Variants in SV2B observed in about 807,000 individuals in gnomAD.
The protein encoded by SV2B is solute carrier family 22 member B2.
A neutral mutation model predicts 73.9 loss-of-function variants in SV2B; 41 were observed. The ratio of observed to expected loss-of-function variants is 0.56; its 90% CI spans 0.43 to 0.72. The LOEUF (loss-of-function observed/expected upper bound fraction) is 0.72. SV2B is among the 30% of genes least tolerant of loss of function. The pLI is 0.00. For synonymous variants in SV2B, 314 were observed against 314.2 expected (o/e 1.00, Z 0.01); for missense variants, 764 against 857.8 (o/e 0.89, Z 1.37).
At chr15:91,154,575 G>A (rs2043424058) in intron 1 of SV2B, among the ~76,000 whole-genome samples, 1 of 152,100 alleles carries the variant, frequency 6.6e-6, no homozygotes, top group African/African-American at 2.4e-5. Flanking sequence ...TTAGATACGG[G>A]GTTTTTGCAG....
intron 1 of SV2B, among the ~76,000 whole-genome samples, chr15:91,189,749 G>A (rs1055073710): frequency 6.6e-5 from 10 of 152,230 alleles, no homozygotes; most frequent in Admixed American, 2.6e-4. Context: ...AGCACTTTGG[G>A]AGGCCGAGGC....
At chr15:91,156,207 C>T (rs572691573) in intron 1 of SV2B, among the ~76,000 whole-genome samples, 2 of 152,260 alleles carry the variant, frequency 1.3e-5, no homozygotes, top group African/African-American at 2.4e-5. Context: ...AGAAATGCCT[C>T]AGTAAGCTTG....
rs1209983397 is a variant in SV2B at position 91,236,135 on chromosome 15, C to T, written c.451+9421C>T. Among the ~76,000 whole-genome samples the T allele has an allele frequency of 6.6e-6, 1 of 152,220 alleles. No individual in the cohort carries two copies. The highest frequency in any genetic ancestry group is 1.5e-5 in the Non-Finnish European group (1 of 68,034). On this transcript the variant is annotated intron_variant, in intron 2 of 12. Transcript: ENST00000394232. The surrounding 1 kb of genome is among the most constrained non-coding windows in gnomAD (Gnocchi z 4.1). ...TAAAGCAAGGATGTCTCAGGACATT[C>T]TGTCCACTTTGCCTGCAGAATATCT...
intron 2 of SV2B, among the ~76,000 whole-genome samples, chr15:91,248,827 G>A (rs1486882412): frequency 6.6e-6 from 1 of 152,192 alleles, no homozygotes; most frequent in Non-Finnish European, 1.5e-5. Flanking sequence ...AGTTTGAGAA[G>A]TGCTGAAGAC....
intron 1 of SV2B, among the ~76,000 whole-genome samples, chr15:91,155,691 A>C (rs2043465289): frequency 6.6e-6 from 1 of 152,132 alleles, no homozygotes; most frequent in South Asian, 2.1e-4. Flanking sequence ...ACTCCCTCAC[A>C]GTAGCCTTTA....
At position 91,297,534 on chromosome 15, in the gene SV2B, G is replaced by A. The variant is rs969593712; in HGVS notation, c.*4982G>A. 1 of 152,116 alleles carries A rather than the reference G, an allele frequency of 6.6e-6. No homozygotes were observed. Among genetic ancestry groups the A allele is most frequent in the African/African-American group, 2.4e-5 (1 of 41,392 alleles). 9.4% of individuals were successfully genotyped at this position (152,116 alleles called of 1,614,324 possible). A position where few individuals can be genotyped will look rare whatever the true frequency, so the allele number is the denominator to read the frequency against. ...TCTGGGGATTTGGAATCTGGGGTGGGGTCTGAAGAATCTGCATTTTTTAAC... is the reference window on the plus strand; with the variant it reads ...TCTGGGGATTTGGAATCTGGGGTGGAGTCTGAAGAATCTGCATTTTTTAAC... On this transcript the variant is annotated 3_prime_UTR_variant, in exon 13 of 13. Coordinates refer to ENST00000394232, the MANE Select transcript of SV2B (RefSeq NM_001323032.3). This position sits in a 1 kb window ranked among gnomAD's most constrained non-coding sequence, Gnocchi z 5.1.
rs117177034 is a variant in SV2B, at chr15:91,247,686, A to C, written c.452-4133A>C. Among the ~76,000 whole-genome samples the C allele has an allele frequency of 5.8e-3, 890 of 152,246 alleles. 7 individuals are homozygous for C. Among genetic ancestry groups the C allele is most frequent in the Non-Finnish European group, 9.0e-3 (615 of 67,994 alleles). ...GGATGCAGCTGCTATCTAGAAAGGAATTGCTGCAGTCAGGCTGAAACCTAC... is the reference window on the plus strand; with the variant it reads ...GGATGCAGCTGCTATCTAGAAAGGACTTGCTGCAGTCAGGCTGAAACCTAC... On this transcript the variant is annotated intron_variant, in intron 2 of 12. Transcript: ENST00000394232.
At position 91,283,251 on chromosome 15, in the gene SV2B, A is replaced by G. The variant is rs2048739668; in HGVS notation, c.1508-770A>G. On this transcript the variant is annotated intron_variant, in intron 10 of 12. Transcript: ENST00000394232. This position sits in a 1 kb window ranked among gnomAD's most constrained non-coding sequence, Gnocchi z 4.3. ...ATGCAAATGGCTTTTATTTTTTAAG[A>G]ATGTTCAGGTTTTGGCACAGACTAC... Among the ~76,000 whole-genome samples, 1 of 152,094 alleles carries G rather than the reference A, an allele frequency of 6.6e-6. No individual in the cohort carries two copies. Among genetic ancestry groups the G allele is most frequent in the Admixed American group, 6.5e-5 (1 of 15,270 alleles).
intron 1 of SV2B, among the ~76,000 whole-genome samples, chr15:91,192,335 A>G (rs2045069687): frequency 6.6e-6 from 1 of 152,192 alleles, no homozygotes; most frequent in South Asian, 2.1e-4. Flanking sequence ...CTGACATACA[A>G]TTCTATGCTT....
rs776455226 is a variant in SV2B at position 91,226,331 on chromosome 15, A to G, written c.68A>G (p.Asn23Ser). The G allele has an allele frequency of 9.9e-6, 16 of 1,614,156 alleles. No individual in the cohort carries two copies. The highest frequency in any genetic ancestry group is 1.7e-5 in the Admixed American group (1 of 60,032). Residue 23 changes from asparagine (N) to serine (S), a missense_variant, in exon 2 of 13, where the codon AAT becomes AGT. Physicochemically the swap from Asn to Ser is conservative, Grantham distance 46. Coordinates refer to ENST00000394232, the MANE Select transcript of SV2B (RefSeq NM_001323032.3). ...CCCAGTGATGGCTATTACCGCGGCA[A>G]TGAGTCCAACCCAGAAGAAGATGCA... is the stretch of plus-strand genomic sequence containing the variant. ...YAPSDGYYRG[N>S]ESNPEEDAQS...
At chr15:91,133,031 G>A (rs2042704470) in intron 1 of SV2B, among the ~76,000 whole-genome samples, 2 of 152,158 alleles carry the variant, frequency 1.3e-5, no homozygotes, top group South Asian at 2.1e-4. Flanking sequence ...ATTTAATTCT[G>A]TAACACCCCC....
At position 91,226,463 on chromosome 15, in the gene SV2B, C is replaced by T. The variant is rs750988407; in HGVS notation, c.200C>T (p.Ala67Val). 1.2e-5 allele frequency: 19 copies of T among 1,614,186 alleles called. No individual in the cohort carries two copies. Among genetic ancestry groups the T allele is most frequent in the East Asian group, 2.2e-5 (1 of 44,870 alleles). Residue 67 changes from alanine to valine, a missense_variant, in exon 2 of 13, where the codon GCG becomes GTG. Ala to Val is a moderately conservative substitution (Grantham distance 64, BLOSUM62 0). Coordinates refer to ENST00000394232, the MANE Select transcript of SV2B (RefSeq NM_001323032.3). ...DDVKAKQAKM[A>V]PSRMDSLRGQ... Reference sequence around the variant, plus strand: ...GTCAAGGCCAAGCAGGCCAAGATGGCGCCCTCCAGAATGGACAGCCTTCGG... The same window carrying T: ...GTCAAGGCCAAGCAGGCCAAGATGGTGCCCTCCAGAATGGACAGCCTTCGG...
intron 1 of SV2B, among the ~76,000 whole-genome samples, chr15:91,117,388 C>A (rs1016609331): frequency 2.6e-5 from 4 of 152,204 alleles, no homozygotes; most frequent in Non-Finnish European, 5.9e-5. Flanking sequence ...TATTAATTAG[C>A]TGCTACTGTA....
chr15:91,186,564 C>T (rs915819777), intron 1 of SV2B, among the ~76,000 whole-genome samples: 2 of 152,148 alleles, frequency 1.3e-5, no homozygotes, highest in Non-Finnish European at 2.9e-5. Context: ...TGTAGGGTTA[C>T]ATGAACAAGA....
chr15:91,263,847 C>G (rs1231076157), intron 6 of SV2B, among the ~76,000 whole-genome samples: 8 of 152,230 alleles, frequency 5.3e-5, no homozygotes, highest in Admixed American at 4.6e-4. Flanking sequence ...TTCAGTCTCT[C>G]CACCTCCTTT....
intron 6 of SV2B, among the ~76,000 whole-genome samples, chr15:91,264,370 G>C (rs927019990): frequency 3.9e-5 from 6 of 152,242 alleles, no homozygotes; most frequent in African/African-American, 1.4e-4. Context: ...GCTCACACTG[G>C]AAGTGGGTCA....
chr15:91,146,491 G>A (rs994077419), intron 1 of SV2B, among the ~76,000 whole-genome samples: 7 of 152,152 alleles, frequency 4.6e-5, no homozygotes, highest in Admixed American at 3.9e-4. Flanking sequence ...AATGTCAACG[G>A]TAGTTTAATA....
intron 1 of SV2B, among the ~76,000 whole-genome samples, chr15:91,158,030 C>T (rs897257830): frequency 6.6e-6 from 1 of 152,262 alleles, no homozygotes; most frequent in Admixed American, 6.5e-5. Flanking sequence ...TCTGTATGTC[C>T]ATGGGCCTAT....
chr15:91,213,822 A>G (rs1427202240), intron 1 of SV2B, among the ~76,000 whole-genome samples: 1 of 152,210 alleles, frequency 6.6e-6, no homozygotes, highest in Non-Finnish European at 1.5e-5. Context: ...TTCCCTTTAA[A>G]GGCTCTGAAC....
Sources: gnomAD v4.1 joint callset for allele counts (sites outside exome capture counted in the v4.1 genomes callset) on GRCh38, gnomAD v4.1.1 for gene constraint, Gnocchi (gnomAD v3.1) non-coding constraint, MANE v1.5 for transcripts, NCBI Gene and HGNC (gene_info 2026-07-23, HGNC 2026-07-21) for gene names.